Variants in MAP2K1 observed in about 807,000 individuals in gnomAD.
MAP2K1 encodes dual specificity mitogen-activated protein kinase kinase 1.
MAP2K1 carries 16 observed loss-of-function variants against 46.3 expected under a neutral mutation model. The observed-to-expected ratio is 0.35, with a 90% CI of 0.23 to 0.52. The LOEUF is 0.52. Ranked by LOEUF, MAP2K1 falls within the 20% of genes least tolerant of loss-of-function variation. The probability of loss-of-function intolerance (pLI) is 0.94; values close to 1 mark genes in which losing one functional copy is unlikely to be tolerated. For missense variants in MAP2K1, 263 were observed against 497.1 expected, an observed-to-expected ratio of 0.53 and a Z score of 4.48; for synonymous variants, 183 against 185.6, an observed-to-expected ratio of 0.99 and a Z score of 0.11.
chr15:66,428,027 C>A (rs1052350051), intron 1 of MAP2K1, among the ~76,000 whole-genome samples: 2 of 151,982 alleles, frequency 1.3e-5, no homozygotes, highest in African/African-American at 4.8e-5. Context: ...AAAAAAGAAA[C>A]CTCTCCAACT....
At chr15:66,486,533 G>C (rs1045987965) in intron 7 of MAP2K1, among the ~76,000 whole-genome samples, 3 of 152,206 alleles carry the variant, frequency 2.0e-5, no homozygotes, top group African/African-American at 7.2e-5. Context: ...CAGTGCACTT[G>C]TCAAGGCCAC....
rs553582959 is a variant in MAP2K1 at position 66,409,490 on chromosome 15, G to A, written c.80+22063G>A. ...TCCTTGATGGATATGTGACATGGGT[G>A]GCTGAATTTACATGGCACCTGGTGG... On this transcript the variant is annotated intron_variant, in intron 1 of 10. Transcript: ENST00000307102. 5.9e-5 allele frequency among the ~76,000 whole-genome samples: 9 copies of A among 152,222 alleles called. No homozygotes were observed. The East Asian group carries it at 7.7e-4, about 13-fold the overall frequency.
chr15:66,395,660 T>A lies in MAP2K1; in HGVS notation c.80+8233T>A, dbSNP rs575212655. ...CACATGATCTTGGCTCACTGCAACC[T>A]CTGCCCACTGGGCTCAAGTGAGTAT... On this transcript the variant is annotated intron_variant, in intron 1 of 10. Transcript: ENST00000307102. Among the ~76,000 whole-genome samples, 199 of 150,306 alleles carry A rather than the reference T, an allele frequency of 1.3e-3. 1 individual carries two copies. The highest frequency in any genetic ancestry group is 4.7e-3 in the African/African-American group (190 of 40,832).
intron 4 of MAP2K1, among the ~76,000 whole-genome samples, chr15:66,443,965 C>T (rs11852705): frequency 0.12 from 17,998 of 152,102 alleles, 1,167 homozygotes; most frequent in Non-Finnish European, 0.15. Flanking sequence ...GGGCTGGGCG[C>T]GGTGGCTCAT....
intron 5 of MAP2K1, 57 bp downstream of exon 5, chr15:66,444,764 G>A (rs919693290): frequency 5.2e-6 from 7 of 1,343,330 alleles, no homozygotes; most frequent in Non-Finnish European, 7.5e-6. Flanking sequence ...TCCAAAGGCT[G>A]TTGCTTCCTC....
chr15:66,486,533 G>A (rs1045987965), intron 7 of MAP2K1, among the ~76,000 whole-genome samples: 1 of 152,206 alleles, frequency 6.6e-6, no homozygotes, highest in African/African-American at 2.4e-5. Flanking sequence ...CAGTGCACTT[G>A]TCAAGGCCAC....
chr15:66,475,951 T>C (rs538789443), intron 5 of MAP2K1, among the ~76,000 whole-genome samples: 1 of 152,280 alleles, frequency 6.6e-6, no homozygotes, highest in East Asian at 1.9e-4. Context: ...GGGTAGAAAA[T>C]ACTTAATAGT....
chr15:66,438,723 G>T (rs557060279), intron 3 of MAP2K1, among the ~76,000 whole-genome samples: 1 of 152,164 alleles, frequency 6.6e-6, no homozygotes, highest in Non-Finnish European at 1.5e-5. Context: ...TGGAGTTATC[G>T]TGGAGAGCAT....
chr15:66,428,604 A>C (rs2140567514), intron 1 of MAP2K1, among the ~76,000 whole-genome samples: 1 of 151,750 alleles, frequency 6.6e-6, no homozygotes, highest in East Asian at 1.9e-4. Context: ...CATCCAAAAA[A>C]CCCCCACAAA....
chr15:66,420,881 A>ATG (rs200428451), intron 1 of MAP2K1, among the ~76,000 whole-genome samples: 4 of 122,194 alleles, frequency 3.3e-5, no homozygotes, highest in African/African-American at 1.2e-4. Flanking sequence ...GTGTATATAT[A>ATG]TGTGTATATA....
chr15:66,391,596 A>G (rs2093356379), intron 1 of MAP2K1, among the ~76,000 whole-genome samples: 1 of 151,922 alleles, frequency 6.6e-6, no homozygotes, highest in Non-Finnish European at 1.5e-5. Flanking sequence ...TTGACTCACC[A>G]CTCTGTAAGT....
chr15:66,468,322 C>A (rs1168217321), intron 5 of MAP2K1, among the ~76,000 whole-genome samples: 1 of 152,074 alleles, frequency 6.6e-6, no homozygotes, highest in Non-Finnish European at 1.5e-5. Context: ...TAACCTGTTT[C>A]ATTATGCTTG....
chr15:66,413,728 T>C (rs2093417176), intron 1 of MAP2K1, among the ~76,000 whole-genome samples: 1 of 152,178 alleles, frequency 6.6e-6, no homozygotes, highest in Non-Finnish European at 1.5e-5. Context: ...GAGCATGTAA[T>C]TGCAAGGCAT....
intron 1 of MAP2K1, among the ~76,000 whole-genome samples, chr15:66,396,012 T>A (rs1242502120): frequency 3.3e-5 from 5 of 152,106 alleles, no homozygotes; most frequent in Non-Finnish European, 5.9e-5. Context: ...TCTTTTTTGT[T>A]TTGTTTTGTT....
chr15:66,447,192 T>A (rs1891891884), intron 5 of MAP2K1, among the ~76,000 whole-genome samples: 1 of 151,534 alleles, frequency 6.6e-6, no homozygotes, highest in Admixed American at 6.6e-5. Flanking sequence ...ACCTTTGACA[T>A]GGCTGACTCC....
At chr15:66,414,446 AGGCATATAG>A (rs1313102103) in intron 1 of MAP2K1, among the ~76,000 whole-genome samples, 24 of 152,286 alleles carry the variant, frequency 1.6e-4, no homozygotes, top group African/African-American at 5.3e-4. Context: ...CCAAAAGAAG[AGGCATATAG>A]GGTAAGGCCT....
At chr15:66,430,362 C>G (rs2093472254) in intron 1 of MAP2K1, among the ~76,000 whole-genome samples, 1 of 152,212 alleles carries the variant, frequency 6.6e-6, no homozygotes. Flanking sequence ...TCATCCTCTT[C>G]CCTTCCTGCA....
intron 5 of MAP2K1, chr15:66,453,545 T>A: frequency 1.4e-6 from 1 of 702,222 alleles, no homozygotes. Flanking sequence ...AGCAGCACAG[T>A]GAGTAGGTGA....
At chr15:66,411,300 T>C (rs1385992714) in intron 1 of MAP2K1, among the ~76,000 whole-genome samples, 1 of 152,134 alleles carries the variant, frequency 6.6e-6, no homozygotes, top group Non-Finnish European at 1.5e-5. Flanking sequence ...GGTACAGATG[T>C]CATGAATATA....
Sources: allele counts gnomAD v4.1 joint callset (sites outside exome capture counted in the v4.1 genomes callset), GRCh38; gene constraint gnomAD v4.1.1; transcripts MANE v1.5; gene names NCBI Gene and HGNC (gene_info 2026-07-23, HGNC 2026-07-21).